The following GPR176 variants were observed in gnomAD, a reference collection of about 807,000 sequenced individuals.
The protein encoded by GPR176 is G-protein coupled receptor 176.
Under a neutral mutation model 35.4 loss-of-function variants are expected in GPR176, and 26 were observed. That is an observed-to-expected ratio of 0.74 (90% confidence interval 0.54 to 1.02). GPR176 has a LOEUF of 1.02. Among genes scored for constraint, GPR176 ranks in the 50% least tolerant of loss-of-function variants. The pLI is 0.00. For missense variants in GPR176, 597 were observed against 665.3 expected, an observed-to-expected ratio of 0.90 and a Z score of 1.13; for synonymous variants, 278 against 271.3, an observed-to-expected ratio of 1.02 and a Z score of -0.24.
chr15:39,848,942 A>C (rs536374169), intron 1 of GPR176, among the ~76,000 whole-genome samples: 3 of 151,224 alleles, frequency 2.0e-5, no homozygotes, highest in Non-Finnish European at 4.4e-5. Flanking sequence ...TAAAAAAAAG[A>C]AAAAAAAGCA....
At chr15:39,893,153 G>A (rs1366518140) in intron 1 of GPR176, among the ~76,000 whole-genome samples, 1 of 151,814 alleles carries the variant, frequency 6.6e-6, no homozygotes, top group Non-Finnish European at 1.5e-5. Context: ...TCTCACACAG[G>A]GGGATTTGGC....
At chr15:39,866,881 C>T (rs1054716348) in intron 1 of GPR176, among the ~76,000 whole-genome samples, 30 of 151,854 alleles carry the variant, frequency 2.0e-4, no homozygotes, top group African/African-American at 7.0e-4. Context: ...GGAAAGCATA[C>T]AAAGGGGGAG....
chr15:39,842,959 C>T (rs975260473), intron 1 of GPR176, among the ~76,000 whole-genome samples: 4 of 151,894 alleles, frequency 2.6e-5, no homozygotes, highest in African/African-American at 9.7e-5. Context: ...GGGTTTCATC[C>T]CCAGCTCAGC....
intron 1 of GPR176, among the ~76,000 whole-genome samples, chr15:39,904,591 A>C (rs2033369790): frequency 6.6e-6 from 1 of 152,180 alleles, no homozygotes; most frequent in African/African-American, 2.4e-5. Flanking sequence ...AAGCCCATGC[A>C]GACATTTGAT....
chr15:39,803,561 G>A (rs1421833041), intron 2 of GPR176, among the ~76,000 whole-genome samples: 3 of 152,078 alleles, frequency 2.0e-5, no homozygotes, highest in Admixed American at 6.6e-5. Flanking sequence ...GATTACAGAC[G>A]TGAGCCACCG....
At chr15:39,915,047 TG>T (rs1350126467) in intron 1 of GPR176, among the ~76,000 whole-genome samples, 1 of 152,138 alleles carries the variant, frequency 6.6e-6, no homozygotes, top group Non-Finnish European at 1.5e-5. Flanking sequence ...AACCACCTCA[TG>T]GAATCAAGCC....
chr15:39,912,274 T>G (rs1177613455), intron 1 of GPR176, among the ~76,000 whole-genome samples: 2 of 152,178 alleles, frequency 1.3e-5, no homozygotes, highest in Non-Finnish European at 2.9e-5. Flanking sequence ...TTGCGCTATA[T>G]GACTAACAAC....
intron 1 of GPR176, chr15:39,813,315 T>C (rs952507500): frequency 2.6e-5 from 4 of 152,236 alleles, no homozygotes; most frequent in Non-Finnish European, 5.9e-5. Flanking sequence ...ACCTAAGGAA[T>C]GTCCCTGAGC....
intron 1 of GPR176, among the ~76,000 whole-genome samples, chr15:39,863,601 A>G (rs961051760): frequency 1.3e-5 from 2 of 152,206 alleles, no homozygotes; most frequent in African/African-American, 4.8e-5. Flanking sequence ...TACAGTCTTT[A>G]TAAAGTCTAT....
intron 1 of GPR176, among the ~76,000 whole-genome samples, chr15:39,811,733 G>A (rs547588935): frequency 7.2e-5 from 11 of 152,048 alleles, no homozygotes; most frequent in Non-Finnish European, 1.3e-4. Context: ...TGGCGAACAT[G>A]GTGAAACCCC....
At chr15:39,902,761 C>T (rs2033315253) in intron 1 of GPR176, among the ~76,000 whole-genome samples, 1 of 152,278 alleles carries the variant, frequency 6.6e-6, no homozygotes, top group Non-Finnish European at 1.5e-5. Flanking sequence ...CCCTAAGAAA[C>T]TACACAGGAA....
Position 39,801,444 on chromosome 15 carries a change from T to C in GPR176, c.1236A>G (p.Gly412=). 1 of 1,614,168 alleles carries C rather than the reference T, an allele frequency of 6.2e-7. No homozygotes were observed. The highest frequency in any genetic ancestry group is 8.5e-7 in the Non-Finnish European group (1 of 1,180,000). The change falls in exon 3 of 3, where the codon GGA becomes GGG. Residue 412 remains glycine (G), a synonymous_variant. Coordinates refer to ENST00000561100, the MANE Select transcript of GPR176 (RefSeq NM_007223.3). ...AKEIFSTCLE[G]EQGPQFAPSA... is the part of the protein sequence containing the mutation. The stretch of plus-strand genomic sequence containing the variant: ...AGGGCGCAAACTGTGGCCCCTGCTC[T>C]CCCTCCAGGCAGGTGCTAAATATCT...
chr15:39,848,155 A>G (rs972262963), intron 1 of GPR176, among the ~76,000 whole-genome samples: 1 of 152,188 alleles, frequency 6.6e-6, no homozygotes, highest in African/African-American at 2.4e-5. Context: ...ACAATTCGAC[A>G]TGAGATTTGG....
intron 1 of GPR176, among the ~76,000 whole-genome samples, chr15:39,913,337 G>C (rs576109024): frequency 6.6e-6 from 1 of 152,188 alleles, no homozygotes; most frequent in East Asian, 1.9e-4. Context: ...TTGAGTCCAG[G>C]AGTTTGAGAC....
chr15:39,852,983 C>T (rs530315462), intron 1 of GPR176, among the ~76,000 whole-genome samples: 5 of 152,154 alleles, frequency 3.3e-5, no homozygotes, highest in South Asian at 2.1e-4. Flanking sequence ...AAAATAGTAT[C>T]GCTGCTATGG....
In GPR176 at chr15:39,860,855, A is replaced by ATGG. The variant is rs1339683488; in HGVS notation, c.173-53600_173-53598dup. ...AACGTAAGTTCCATTCTCAATTAAT[A>ATGG]TGGTGCTGGGCGCCTTGGAATGCCC... On this transcript the variant is annotated intron_variant, in intron 1 of 2. Transcript: ENST00000561100. 11 of 152,292 alleles carry ATGG rather than the reference A, an allele frequency of 7.2e-5. No homozygotes were observed. In the East Asian group the frequency reaches 1.9e-3, roughly 27 times the overall value. 9.4% of individuals were successfully genotyped at this position (152,292 alleles called of 1,614,324 possible).
At chr15:39,888,019 A>G (rs2032733589) in intron 1 of GPR176, among the ~76,000 whole-genome samples, 1 of 152,206 alleles carries the variant, frequency 6.6e-6, no homozygotes, top group Non-Finnish European at 1.5e-5. Flanking sequence ...AGCTTTATCT[A>G]CCAGGAGTTT....
intron 1 of GPR176, among the ~76,000 whole-genome samples, chr15:39,886,170 T>A (rs1404649838): frequency 1.3e-5 from 2 of 151,110 alleles, no homozygotes; most frequent in Non-Finnish European, 3.0e-5. Flanking sequence ...GAGTAGGAGG[T>A]TGCGGTGAGC....
At chr15:39,877,160 T>C (rs926981500) in intron 1 of GPR176, among the ~76,000 whole-genome samples, 1 of 152,202 alleles carries the variant, frequency 6.6e-6, no homozygotes, top group African/African-American at 2.4e-5. Context: ...TCAGTGCTAT[T>C]TATATCCTCC....
Sources: gnomAD v4.1 joint callset for allele counts (sites outside exome capture counted in the v4.1 genomes callset) on GRCh38, gnomAD v4.1.1 for gene constraint, MANE v1.5 for transcripts, NCBI Gene and HGNC (gene_info 2026-07-23, HGNC 2026-07-21) for gene names.